The following DGKB variants were observed in gnomAD, a reference collection of about 807,000 sequenced individuals.
DGKB encodes the protein diacylglycerol kinase beta.
Under a neutral mutation model 114.3 loss-of-function variants are expected in DGKB, and 67 were observed. The observed-to-expected ratio is 0.59, with a 90% CI of 0.48 to 0.72. DGKB has a LOEUF of 0.72. Ranked by LOEUF, DGKB falls within the 30% of genes least tolerant of loss-of-function variation. DGKB has a pLI of 0.00. For synonymous variants in DGKB, 398 were observed against 323.1 expected (o/e 1.23, Z -2.49); for missense variants, 907 against 975.2 (o/e 0.93, Z 0.93).
chr7:14,956,382 C>G (rs1002386933), intron 1 of DGKB, among the ~76,000 whole-genome samples: 4 of 151,998 alleles, frequency 2.6e-5, no homozygotes, highest in African/African-American at 9.7e-5. Context: ...GCAAAGTTCA[C>G]TACCAGCACA....
chr7:14,434,774 G>A (rs13306905), intron 21 of DGKB, among the ~76,000 whole-genome samples: 251 of 152,248 alleles, frequency 1.6e-3, no homozygotes, highest in Middle Eastern at 6.8e-3. Flanking sequence ...CCAGTAGGCC[G>A]TGTCTAGCGA....
chr7:14,437,580 A>T (rs934369188), intron 21 of DGKB, among the ~76,000 whole-genome samples: 1 of 152,016 alleles, frequency 6.6e-6, no homozygotes, highest in African/African-American at 2.4e-5. Flanking sequence ...AACTGATTTA[A>T]TATTTTGATT....
intron 2 of DGKB, among the ~76,000 whole-genome samples, chr7:14,837,368 T>A (rs960950288): frequency 2.6e-5 from 4 of 152,194 alleles, no homozygotes; most frequent in Non-Finnish European, 5.9e-5. Flanking sequence ...ATTATCTTTA[T>A]GGTATTCTCT....
intron 23 of DGKB, among the ~76,000 whole-genome samples, chr7:14,269,594 A>G (rs74469509): frequency 0.012 from 1,853 of 152,288 alleles, 49 homozygotes; most frequent in African/African-American, 0.042. Flanking sequence ...AATCAAATAT[A>G]TCTTCTCAGA....
intron 2 of DGKB, among the ~76,000 whole-genome samples, chr7:14,802,571 T>A (rs1229011000): frequency 6.6e-6 from 1 of 152,208 alleles, no homozygotes; most frequent in Non-Finnish European, 1.5e-5. Context: ...AATGCTGAAT[T>A]GAAGTCTTAC....
At chr7:14,805,427 AG>A (rs928582607) in intron 2 of DGKB, among the ~76,000 whole-genome samples, 5 of 152,048 alleles carry the variant, frequency 3.3e-5, no homozygotes, top group Non-Finnish European at 1.5e-5. Context: ...TCATTTTTAA[AG>A]TTCTTTTCAT....
intron 25 of DGKB, among the ~76,000 whole-genome samples, chr7:14,157,608 AT>A (rs1783210687): frequency 6.6e-6 from 1 of 152,192 alleles, no homozygotes; most frequent in African/African-American, 2.4e-5. Flanking sequence ...ATTTGGCCAC[AT>A]TGCATGGGAA....
At chr7:14,762,248 T>C (rs958387488) in intron 2 of DGKB, among the ~76,000 whole-genome samples, 3 of 152,098 alleles carry the variant, frequency 2.0e-5, no homozygotes, top group Non-Finnish European at 4.4e-5. Flanking sequence ...AGAAAATGTT[T>C]ATGGGGAGAT....
chr7:14,808,230 A>T (rs568390427), intron 2 of DGKB, among the ~76,000 whole-genome samples: 1 of 152,184 alleles, frequency 6.6e-6, no homozygotes, highest in Admixed American at 6.5e-5. Flanking sequence ...TGTTCCCCAA[A>T]ATACTAATCC....
At chr7:14,304,036 G>A (rs1226372686) in intron 23 of DGKB, among the ~76,000 whole-genome samples, 2 of 109,004 alleles carry the variant, frequency 1.8e-5, no homozygotes, top group East Asian at 5.8e-4. Context: ...TACACCATTT[G>A]TTCTTATAGA....
intron 5 of DGKB, among the ~76,000 whole-genome samples, chr7:14,734,657 TTTTG>T (rs1285850946): frequency 6.6e-6 from 1 of 152,182 alleles, no homozygotes; most frequent in African/African-American, 2.4e-5. Context: ...TCTTACTATT[TTTTG>T]TTTGTTTTTG....
intron 13 of DGKB, among the ~76,000 whole-genome samples, chr7:14,638,592 G>A (rs1431025848): frequency 6.6e-6 from 1 of 152,092 alleles, no homozygotes; most frequent in African/African-American, 2.4e-5. Context: ...TTAGGCACTA[G>A]ACATAAAGAG....
chr7:14,700,057 G>T (rs1409554289), intron 7 of DGKB, among the ~76,000 whole-genome samples: 1 of 152,046 alleles, frequency 6.6e-6, no homozygotes, highest in African/African-American at 2.4e-5. Flanking sequence ...GTAGTCACAA[G>T]TGCTATACTA....
chr7:14,306,131 G>C (rs551150960), intron 23 of DGKB, among the ~76,000 whole-genome samples: 1 of 151,926 alleles, frequency 6.6e-6, no homozygotes, highest in South Asian at 2.1e-4. Context: ...TAAAATTCTT[G>C]AGTAGCTATC....
At chr7:14,696,060 T>C (rs1823820243) in intron 8 of DGKB, among the ~76,000 whole-genome samples, 1 of 152,154 alleles carries the variant, frequency 6.6e-6, no homozygotes. Context: ...TAGGTATTTG[T>C]TGTAGAAAGA....
chr7:14,769,270 G>GAAAGAAAT (rs1837045760), intron 2 of DGKB, among the ~76,000 whole-genome samples: 1 of 75,834 alleles, frequency 1.3e-5, no homozygotes, highest in Non-Finnish European at 2.2e-5. Context: ...AAGAAAGAAA[G>GAAAGAAAT]AAAGAAAGAA....
intron 1 of DGKB, among the ~76,000 whole-genome samples, chr7:14,862,199 G>A (rs1428644830): frequency 6.6e-6 from 1 of 152,004 alleles, no homozygotes; most frequent in Non-Finnish European, 1.5e-5. Context: ...CATACAAGGA[G>A]ATGATTTGAT....
At chr7:14,161,096 T>C (rs1783809293) in intron 25 of DGKB, among the ~76,000 whole-genome samples, 1 of 151,926 alleles carries the variant, frequency 6.6e-6, no homozygotes, top group Non-Finnish European at 1.5e-5. Flanking sequence ...GAAATGCAAA[T>C]CAAAAACCAC....
chr7:14,193,623 G>T (rs1162978479), intron 23 of DGKB, among the ~76,000 whole-genome samples: 1 of 152,152 alleles, frequency 6.6e-6, no homozygotes, highest in Admixed American at 6.5e-5. Context: ...AATGCTTTAT[G>T]ACGTTAGGGT....
Sources: allele counts gnomAD v4.1 joint callset (sites outside exome capture counted in the v4.1 genomes callset), GRCh38; gene constraint gnomAD v4.1.1; transcripts MANE v1.5; gene names NCBI Gene and HGNC (gene_info 2026-07-23, HGNC 2026-07-21).